Variants in REC114 observed in about 807,000 individuals in gnomAD.
REC114 encodes the protein meiotic recombination protein REC114.
In REC114, 27 loss-of-function variants were observed where a neutral mutation model predicts 31.3. That is an observed-to-expected ratio of 0.86 (90% CI 0.64 to 1.19). The LOEUF (loss-of-function observed/expected upper bound fraction) is 1.19. Among genes scored for constraint, REC114 ranks in the 50% most tolerant of loss-of-function variants. REC114 has a pLI of 0.00. For synonymous variants in REC114, 134 were observed against 127.7 expected (o/e 1.05, Z -0.33); for missense variants, 344 against 326.9 (o/e 1.05, Z -0.40).
At chr15:73,542,059 G>T (rs935039703) in intron 3 of REC114, among the ~76,000 whole-genome samples, 1 of 151,914 alleles carries the variant, frequency 6.6e-6, no homozygotes, top group Non-Finnish European at 1.5e-5. Flanking sequence ...GGCTGGGCAT[G>T]GTGGCTCATG....
intron 2 of REC114, among the ~76,000 whole-genome samples, chr15:73,504,817 T>G (rs978274522): frequency 1.3e-5 from 2 of 152,166 alleles, no homozygotes; most frequent in Admixed American, 1.3e-4. Context: ...TATAAAAAAT[T>G]TTGTGGGTTT....
rs758519881 is a variant in REC114 at position 73,556,297 on chromosome 15, TC to T, written c.547-3del. The T allele has an allele frequency of 6.2e-7, 1 of 1,612,444 alleles. No individual in the cohort carries two copies. Among genetic ancestry groups the T allele is most frequent in the South Asian group, 1.1e-5 (1 of 90,788 alleles). ...GTCTCCTTATTGCATGTTGTTTTAT[TC>T]CAGTCCCACCAGCACTCAGAACAAC... On this transcript the variant is annotated splice_region_variant and splice_polypyrimidine_tract_variant and intron_variant, in intron 4 of 5. Coordinates refer to ENST00000331090, the MANE Select transcript of REC114 (RefSeq NM_001042367.2).
intron 2 of REC114, 124 bp from the exon 3 acceptor site, chr15:73,540,361 A>G: frequency 1.3e-6 from 1 of 768,968 alleles, no homozygotes; most frequent in Non-Finnish European, 2.3e-6. Flanking sequence ...TTATTGAGTC[A>G]TTGCTACTAT....
intron 2 of REC114, among the ~76,000 whole-genome samples, chr15:73,513,903 T>A (rs1285965619): frequency 6.6e-6 from 1 of 151,948 alleles, no homozygotes; most frequent in Non-Finnish European, 1.5e-5. Flanking sequence ...TTTTTGTTTG[T>A]CTGTGCCCTG....
chr15:73,552,666 G>A (rs1266845313), intron 4 of REC114, among the ~76,000 whole-genome samples: 1 of 152,164 alleles, frequency 6.6e-6, no homozygotes, highest in East Asian at 1.9e-4. Context: ...ATTGGAATAA[G>A]CACCTACCTC....
intron 2 of REC114, among the ~76,000 whole-genome samples, chr15:73,535,460 A>G (rs1357845787): frequency 6.6e-6 from 1 of 151,790 alleles, no homozygotes; most frequent in African/African-American, 2.4e-5. Flanking sequence ...TAGGAATCCA[A>G]CTTACAAGGG....
rs1894467147 is a variant in REC114 at position 73,556,336 on chromosome 15, T to C, written c.581T>C (p.Val194Ala). The change falls in exon 5 of 6, where the codon GTA becomes GCA. Residue 194 changes from valine to alanine, a missense_variant. Transcript: ENST00000331090. ...CACTCAGAACAACAGCAAGTGTGTG[T>C]AACAGCGGGCACAGGCGCTCCAGAC... ...HQHSEQQQVC[V>A]TAGTGAPDGR... The C allele has an allele frequency of 1.2e-6, 2 of 1,613,862 alleles. No individual in the cohort carries two copies. Among genetic ancestry groups the C allele is most frequent in the Non-Finnish European group, 8.5e-7 (1 of 1,179,782 alleles).
chr15:73,524,983 C>T (rs887409334), intron 2 of REC114, among the ~76,000 whole-genome samples: 2 of 152,170 alleles, frequency 1.3e-5, no homozygotes, highest in African/African-American at 2.4e-5. Flanking sequence ...ACAGATGAAA[C>T]ATGGCTTTAC....
At chr15:73,533,553 T>C (rs1437376223) in intron 2 of REC114, among the ~76,000 whole-genome samples, 1 of 151,802 alleles carries the variant, frequency 6.6e-6, no homozygotes, top group Admixed American at 6.5e-5. Context: ...CTGAGTGACC[T>C]ACAAAGAGAC....
intron 3 of REC114, among the ~76,000 whole-genome samples, chr15:73,547,972 A>G (rs1173958671): frequency 6.6e-6 from 1 of 152,240 alleles, no homozygotes; most frequent in African/African-American, 2.4e-5. Flanking sequence ...CAACAAAGTA[A>G]ACACAAAACC....
chr15:73,530,094 A>G (rs1422018973), intron 2 of REC114, among the ~76,000 whole-genome samples: 1 of 152,236 alleles, frequency 6.6e-6, no homozygotes, highest in African/African-American at 2.4e-5. Context: ...ACTCCAAAAT[A>G]AAGTAAGTTA....
chr15:73,470,608 A>G (rs1273241481), intron 1 of REC114, among the ~76,000 whole-genome samples: 1 of 152,180 alleles, frequency 6.6e-6, no homozygotes, highest in South Asian at 2.1e-4. Flanking sequence ...ACAGTGTCCA[A>G]AACGGGGAAA....
At chr15:73,499,254 C>A (rs984027598) in intron 2 of REC114, among the ~76,000 whole-genome samples, 4 of 151,876 alleles carry the variant, frequency 2.6e-5, no homozygotes, top group Non-Finnish European at 4.4e-5. Context: ...TTGCACCAAT[C>A]TCATAATTGA....
chr15:73,542,726 G>A (rs1034693648), intron 3 of REC114, among the ~76,000 whole-genome samples: 1 of 152,038 alleles, frequency 6.6e-6, no homozygotes, highest in Non-Finnish European at 1.5e-5. Flanking sequence ...TATAAAATGG[G>A]GATTGTAGTA....
chr15:73,551,154 A>C lies in REC114; in HGVS notation c.546+4A>C, dbSNP rs1358971093. The C allele has an allele frequency of 5.6e-6, 9 of 1,594,328 alleles. No homozygotes were observed. Among genetic ancestry groups the C allele is most frequent in the African/African-American group, 1.3e-5 (1 of 74,438 alleles). On this transcript the variant is annotated splice_donor_region_variant and intron_variant, in intron 4 of 5. Transcript: ENST00000331090. The stretch of plus-strand genomic sequence containing the variant: ...GAGTGTCCCACGGCAGCCTGGAGTA[A>C]GTAGGCTGATGTGTTGGTTATACAG...
intron 1 of REC114, among the ~76,000 whole-genome samples, chr15:73,473,590 T>C (rs1893164880): frequency 6.6e-6 from 1 of 152,186 alleles, no homozygotes. Context: ...TAATCTGATA[T>C]TCTTTCTGTT....
At chr15:73,535,896 G>A (rs1333584687) in intron 2 of REC114, among the ~76,000 whole-genome samples, 1 of 150,978 alleles carries the variant, frequency 6.6e-6, no homozygotes, top group Non-Finnish European at 1.5e-5. Flanking sequence ...TCTGATCTTT[G>A]ACAAACCTGA....
chr15:73,536,112 A>T (rs931456731), intron 2 of REC114, among the ~76,000 whole-genome samples: 1 of 152,092 alleles, frequency 6.6e-6, no homozygotes, highest in Non-Finnish European at 1.5e-5. Flanking sequence ...GGACATAGGC[A>T]TGGGCAAGGA....
intron 2 of REC114, among the ~76,000 whole-genome samples, chr15:73,525,503 C>G (rs1237850594): frequency 6.6e-6 from 1 of 151,846 alleles, no homozygotes; most frequent in Non-Finnish European, 1.5e-5. Flanking sequence ...ACTATTTTCA[C>G]TATATATCCC....
Sources: allele counts gnomAD v4.1 joint callset (sites outside exome capture counted in the v4.1 genomes callset), GRCh38; gene constraint gnomAD v4.1.1; transcripts MANE v1.5; gene names NCBI Gene and HGNC (gene_info 2026-07-23, HGNC 2026-07-21).